The following GMDS variants were observed in gnomAD, a reference collection of about 807,000 sequenced individuals.
The protein encoded by GMDS is GDP-mannose 4,6-dehydratase, also known as GDP-mannose 4,6 dehydratase.
In GMDS, 20 loss-of-function variants were observed where a neutral mutation model predicts 49.9. That is an observed-to-expected ratio of 0.40 (90% confidence interval 0.28 to 0.58). The LOEUF (loss-of-function observed/expected upper bound fraction) is 0.58, where lower values mean the gene tolerates loss of function less well. Among genes scored for constraint, GMDS ranks in the 20% least tolerant of loss-of-function variants. GMDS has a pLI of 0.42. For missense variants in GMDS, 362 were observed against 481.4 expected, an observed-to-expected ratio of 0.75 and a Z score of 2.32; for synonymous variants, 177 against 178.6, an observed-to-expected ratio of 0.99 and a Z score of 0.07.
At chr6:2,235,431 C>G in intron 1 of GMDS, among the ~76,000 whole-genome samples, 1 of 152,142 alleles carries the variant, frequency 6.6e-6, no homozygotes, top group South Asian at 2.1e-4. Context: ...CACCCAAATC[C>G]AGGTCTTATC....
chr6:2,200,785 G>C (rs1260434162), intron 1 of GMDS, among the ~76,000 whole-genome samples: 5 of 146,598 alleles, frequency 3.4e-5, no homozygotes, highest in East Asian at 2.1e-4. Context: ...TTAGCAGAGA[G>C]GTGAAGGATG....
At chr6:1,892,655 G>A (rs554172662) in intron 7 of GMDS, among the ~76,000 whole-genome samples, 1 of 152,268 alleles carries the variant, frequency 6.6e-6, no homozygotes, top group East Asian at 1.9e-4. Flanking sequence ...ACCACACCCA[G>A]CCTTAATTAA....
At position 1,737,778 on chromosome 6, in the gene GMDS, C is replaced by T. The variant is rs576248184; in HGVS notation, c.890+4690G>A. Among the ~76,000 whole-genome samples, 7 of 111,736 alleles carry T rather than the reference C, an allele frequency of 6.3e-5. No individual in the cohort carries two copies. The South Asian group carries it at 2.0e-3, about 31-fold the overall frequency. 73.3% of individuals were successfully genotyped at this position (111,736 alleles called of 152,430 possible). The stretch of plus-strand genomic sequence containing the variant: ...TACACACACACCACACACACAGATA[C>T]ACATACATACACACATACATACACA... On this transcript the variant is annotated intron_variant, in intron 8 of 10. Transcript: ENST00000380815.
intron 7 of GMDS, among the ~76,000 whole-genome samples, chr6:1,768,817 G>C (rs1768463420): frequency 6.6e-6 from 1 of 152,068 alleles, no homozygotes; most frequent in African/African-American, 2.4e-5. Flanking sequence ...TGTATCTTTT[G>C]AATATTCATA....
At chr6:1,983,673 T>C (rs1241928866) in intron 4 of GMDS, among the ~76,000 whole-genome samples, 2 of 152,122 alleles carry the variant, frequency 1.3e-5, no homozygotes, top group Non-Finnish European at 2.9e-5. Flanking sequence ...CACAATGAGA[T>C]ACCATCTCAT....
chr6:1,843,526 GGGAGGCCAAAGTA>G (rs1443004036), intron 7 of GMDS, among the ~76,000 whole-genome samples: 1 of 152,208 alleles, frequency 6.6e-6, no homozygotes, highest in Non-Finnish European at 1.5e-5. Flanking sequence ...CCAGCACTTT[GGGAGGCCAAAGTA>G]GGTAGATCAC....
In GMDS at chr6:2,191,783, G is replaced by C. The variant is rs951375670; in HGVS notation, c.102+53538C>G. ...GGTACCCCATGGATGAGCAGCCTGGGTACCACAGACCATGGCAGGAAGCAG... is the reference window on the plus strand; with the variant it reads ...GGTACCCCATGGATGAGCAGCCTGGCTACCACAGACCATGGCAGGAAGCAG... On this transcript the variant is annotated intron_variant, in intron 1 of 10. Coordinates refer to ENST00000380815, the MANE Select transcript of GMDS (RefSeq NM_001500.4). This position sits in a 1 kb window ranked among gnomAD's most constrained non-coding sequence, Gnocchi z 4.6. Among the ~76,000 whole-genome samples, 9 of 152,338 alleles carry C rather than the reference G, an allele frequency of 5.9e-5. No individual in the cohort carries two copies. Among genetic ancestry groups the C allele is most frequent in the African/African-American group, 2.2e-4 (9 of 41,584 alleles).
intron 6 of GMDS, 69 bp from the exon 7 acceptor site, chr6:1,930,299 A>T: frequency 7.4e-7 from 1 of 1,346,372 alleles, no homozygotes; most frequent in Non-Finnish European, 1.0e-6. Flanking sequence ...GGTGAACCAA[A>T]CCCGATTTCG....
chr6:2,017,598 C>T (rs1381415480), intron 4 of GMDS, among the ~76,000 whole-genome samples: 2 of 152,094 alleles, frequency 1.3e-5, no homozygotes, highest in Admixed American at 6.6e-5. Context: ...TGTGAGCTAC[C>T]GTGTCCAGCC....
At chr6:2,065,403 A>G (rs1213107975) in intron 4 of GMDS, among the ~76,000 whole-genome samples, 3 of 152,240 alleles carry the variant, frequency 2.0e-5, no homozygotes, top group Non-Finnish European at 4.4e-5. Flanking sequence ...CTCACCAGCA[A>G]TGGAACAAAG....
chr6:1,663,816 C>T (rs1161214540), intron 9 of GMDS, among the ~76,000 whole-genome samples: 1 of 152,172 alleles, frequency 6.6e-6, no homozygotes, highest in African/African-American at 2.4e-5. Flanking sequence ...CCTTGATCAC[C>T]TTTACCCTGC....
chr6:1,740,987 A>G (rs978559504), intron 8 of GMDS, among the ~76,000 whole-genome samples: 15 of 152,330 alleles, frequency 9.8e-5, no homozygotes, highest in South Asian at 4.1e-4. Flanking sequence ...TTGAGACAAA[A>G]TGTTCACAAA....
intron 7 of GMDS, among the ~76,000 whole-genome samples, chr6:1,798,197 T>C (rs999726763): frequency 1.3e-5 from 2 of 151,196 alleles, no homozygotes; most frequent in African/African-American, 4.9e-5. Context: ...AGAACAACCT[T>C]GCTTAAATTT....
At chr6:2,124,560 G>T in intron 2 of GMDS, 127 bp downstream of exon 2, 1 of 758,214 alleles carries the variant, frequency 1.3e-6, no homozygotes, top group South Asian at 1.5e-5. Context: ...ATTCTTCCCC[G>T]GATTCTGATT....
chr6:2,239,667 C>T (rs886218879), intron 1 of GMDS, among the ~76,000 whole-genome samples: 3 of 152,078 alleles, frequency 2.0e-5, no homozygotes, highest in African/African-American at 7.2e-5. Flanking sequence ...AGACATCTCT[C>T]TCACTTCCAA....
intron 4 of GMDS, among the ~76,000 whole-genome samples, chr6:1,997,449 A>G (rs1440228233): frequency 1.4e-5 from 2 of 145,744 alleles, no homozygotes; most frequent in Non-Finnish European, 3.0e-5. Flanking sequence ...CGGAGGCTGT[A>G]GTGAGCTGAG....
At chr6:1,966,622 G>C (rs141564676) in intron 4 of GMDS, among the ~76,000 whole-genome samples, 1 of 152,080 alleles carries the variant, frequency 6.6e-6, no homozygotes, top group Non-Finnish European at 1.5e-5. Context: ...CACTCAGTCC[G>C]AGGTCTCAAT....
At chr6:1,832,792 C>G (rs1020271291) in intron 7 of GMDS, among the ~76,000 whole-genome samples, 1 of 152,220 alleles carries the variant, frequency 6.6e-6, no homozygotes, top group Non-Finnish European at 1.5e-5. Flanking sequence ...AAGGCAAAAG[C>G]GAACTTTTCA....
At chr6:2,212,707 T>TAAAAAAAA (rs35503764) in intron 1 of GMDS, among the ~76,000 whole-genome samples, 8 of 113,582 alleles carry the variant, frequency 7.0e-5, no homozygotes, top group Non-Finnish European at 1.3e-4. Context: ...GATTAACTTG[T>TAAAAAAAA]AAAAAAAAAA....
Sources: allele counts gnomAD v4.1 joint callset (sites outside exome capture counted in the v4.1 genomes callset), GRCh38; gene constraint gnomAD v4.1.1; non-coding constraint Gnocchi (gnomAD v3.1); transcripts MANE v1.5; gene names NCBI Gene and HGNC (gene_info 2026-07-23, HGNC 2026-07-21).